The following ZNF630 variants were observed in gnomAD, a reference collection of about 807,000 sequenced individuals.
ZNF630 encodes the protein zinc finger protein 630.
In ZNF630, 5 loss-of-function variants were observed where a neutral mutation model predicts 7.2. The ratio of observed to expected loss-of-function variants is 0.70; its 90% CI spans 0.36 to 1.46. The LOEUF is 1.46. ZNF630 is among the 40% of genes most tolerant of loss of function. The pLI is 0.03. For missense variants in ZNF630, 461 were observed against 477.0 expected (o/e 0.97, Z 0.31); for synonymous variants, 158 against 162.8 (o/e 0.97, Z 0.23).
rs2059084637 is a variant in ZNF630 at position 48,058,922 on chromosome X, C to A, written c.1520G>T (p.Arg507Ile). The change falls in exon 5 of 5, where the codon AGA becomes ATA. Residue 507 changes from arginine to isoleucine, a missense_variant. Transcript: ENST00000276054. ...ATAAGGTTTCTCCCCTGTATGAATT[C>A]TCTGGTGTATGATAAGAGGTGATTT... Reference protein sequence around the residue: ...SQKSPLIIHQRIHTGEKPYQC... With the variant: ...SQKSPLIIHQIIHTGEKPYQC... 2 of 1,208,341 alleles carry A rather than the reference C, an allele frequency of 1.7e-6. No homozygotes were observed.
chrX:48,059,112 A>G lies in ZNF630; in HGVS notation c.1330T>C (p.Ser444Pro), dbSNP rs1556908470. ...ATTCTTTGATGTCCTATGAGGTGGG[A>G]CTGTTGGCAGAAAGTTTTCCCACAT... is the stretch of plus-strand genomic sequence containing the variant. The part of the protein sequence containing the change: ...GECGKTFCQQ[S>P]HLIGHQRIHT... The change falls in exon 5 of 5, where the codon TCC becomes CCC. Residue 444 changes from serine (S) to proline (P), a missense_variant. Coordinates refer to ENST00000276054, the MANE Select transcript of ZNF630 (RefSeq NM_001282201.2). 5 of 1,206,565 alleles carry G rather than the reference A, an allele frequency of 4.1e-6. No individual in the cohort carries two copies. Among genetic ancestry groups the G allele is most frequent in the African/African-American group, 1.8e-5 (1 of 56,673 alleles).
intron 1 of ZNF630, among the ~76,000 whole-genome samples, chrX:48,067,930 G>A (rs1556910322): frequency 9.1e-6 from 1 of 110,235 alleles, no homozygotes; most frequent in East Asian, 2.9e-4. Context: ...GCGTAGTGGT[G>A]GGCGCCTGTA....
intron 1 of ZNF630, among the ~76,000 whole-genome samples, chrX:48,069,420 C>T (rs140250578): frequency 0.014 from 1,562 of 110,954 alleles, 44 homozygotes; most frequent in African/African-American, 0.049. Context: ...TTGTGACCCT[C>T]CAAAGCAACC....
chrX:48,062,735 A>AAAAC (rs59963366), intron 2 of ZNF630, among the ~76,000 whole-genome samples: 1 of 110,670 alleles, frequency 9.0e-6, no homozygotes, highest in Non-Finnish European at 1.9e-5. Flanking sequence ...CTCTGTCTCA[A>AAAAC]AAACAAACAA....
chrX:48,067,621 G>A (rs1256940567), intron 1 of ZNF630, among the ~76,000 whole-genome samples: 3 of 111,724 alleles, frequency 2.7e-5, no homozygotes, highest in Non-Finnish European at 3.8e-5. Context: ...GCAACATGGC[G>A]AACCCCATCT....
At chrX:48,069,850 TTTTTTG>T (rs1485548738) in intron 1 of ZNF630, among the ~76,000 whole-genome samples, 25 of 61,496 alleles carry the variant, frequency 4.1e-4, no homozygotes, top group African/African-American at 1.3e-3. Context: ...TGTTTTTTTT[TTTTTTG>T]TTTTTTGTTT....
In ZNF630 at chrX:48,058,681, A is replaced by G. The variant is rs782438963; in HGVS notation, c.1761T>C (p.Ile587=). 2 of 1,207,565 alleles carry G rather than the reference A, an allele frequency of 1.7e-6. No homozygotes were observed. Among genetic ancestry groups the G allele is most frequent in the Admixed American group, 4.4e-5 (2 of 45,836 alleles). Residue 587 remains isoleucine, a synonymous_variant, in exon 5 of 5, where the codon ATT becomes ATC. Transcript: ENST00000276054. The stretch of plus-strand genomic sequence containing the variant: ...CCCTAGGATGAGTTTTCTGATGTAT[A>G]ATGAGTGGAGACTTTCCACAGAAGG... ...GKAFCGKSPL[I]IHQKTHPREK... is the part of the protein sequence containing the mutation.
At chrX:48,062,450 G>A (rs1400770472) in intron 2 of ZNF630, among the ~76,000 whole-genome samples, 1 of 112,601 alleles carries the variant, frequency 8.9e-6, no homozygotes, top group African/African-American at 3.2e-5. Flanking sequence ...CAACAAAGAA[G>A]GGGCCAGATG....
rs781863945 is a variant in ZNF630, at chrX:48,060,490, T to C, written c.198A>G (p.Pro66=). ...VIFKLEHGKD[P]WIIESELSRW... ...TTGACAACTCACTCTCTATGATCCA[T>C]GGGTCCTTTCCATGTTCCAACTTAA... Residue 66 remains proline (P), a synonymous_variant, in exon 4 of 5, where the codon CCA becomes CCG. Transcript: ENST00000276054. 9 of 1,205,685 alleles carry C rather than the reference T, an allele frequency of 7.5e-6. No homozygotes were observed. The highest frequency in any genetic ancestry group is 1.0e-5 in the Non-Finnish European group (9 of 892,452).
chrX:48,065,612 G>A (rs1270220768), intron 2 of ZNF630, among the ~76,000 whole-genome samples: 2 of 108,251 alleles, frequency 1.8e-5, no homozygotes, highest in Admixed American at 2.0e-4. Context: ...GAACCTGGGA[G>A]GCAGAGGTTG....
intron 2 of ZNF630, among the ~76,000 whole-genome samples, chrX:48,065,175 G>A (rs972262271): frequency 2.7e-5 from 3 of 111,535 alleles, no homozygotes; most frequent in Non-Finnish European, 3.8e-5. Flanking sequence ...TCCATACCCT[G>A]ATGGCTTCAC....
At position 48,066,497 on chromosome X, in the gene ZNF630, A is replaced by C. The variant is rs782701097; in HGVS notation, c.15+375T>G. The C allele has an allele frequency of 2.0e-4, 33 of 165,765 alleles. 1 individual carries two copies. In the East Asian group the frequency reaches 2.5e-3, roughly 13 times the overall value. The allele number at this position is 165,765 out of a possible 1,213,427, so 13.7% of individuals were successfully genotyped here. On this transcript the variant is annotated intron_variant, in intron 2 of 4. Transcript: ENST00000276054. ...TAACTAAAAACAGTCTCTTTAGAACAACTACTGACAATACCACCCTGGACT... is the reference window on the plus strand; with the variant it reads ...TAACTAAAAACAGTCTCTTTAGAACCACTACTGACAATACCACCCTGGACT...
intron 1 of ZNF630, 75 bp from the exon 2 acceptor site, chrX:48,067,136 T>TGAGAAAGGGCA: frequency 2.7e-6 from 1 of 364,696 alleles, no homozygotes. Context: ...TTTAACACCA[T>TGAGAAAGGGCA]ATTATTGAAA....
Position 48,058,892 on chromosome X carries a change from C to T in ZNF630, c.1550G>A (p.Cys517Tyr), listed in dbSNP as rs1556908348. Reference protein sequence around the residue: ...RIHTGEKPYQCGECGKTFSQK... With the variant: ...RIHTGEKPYQYGECGKTFSQK... The stretch of plus-strand genomic sequence containing the variant: ...GGAGAAGGTTTTGCCACATTCACCA[C>T]ACTGATAAGGTTTCTCCCCTGTATG... The change falls in exon 5 of 5, where the codon TGT becomes TAT. Residue 517 changes from cysteine to tyrosine, a missense_variant. Cys to Tyr is a radical substitution (Grantham distance 194). Coordinates refer to ENST00000276054, the MANE Select transcript of ZNF630 (RefSeq NM_001282201.2). The T allele has an allele frequency of 8.3e-7, 1 of 1,206,570 alleles. No individual in the cohort carries two copies. Among genetic ancestry groups the T allele is most frequent in the East Asian group, 3.0e-5 (1 of 33,713 alleles).
chrX:48,063,776 T>C (rs1436310374), intron 2 of ZNF630, among the ~76,000 whole-genome samples: 2 of 110,479 alleles, frequency 1.8e-5, no homozygotes, highest in East Asian at 2.8e-4. Flanking sequence ...TAATCCCTGC[T>C]ACTCCGGAGG....
At chrX:48,069,084 A>G (rs782176671) in intron 1 of ZNF630, among the ~76,000 whole-genome samples, 1 of 109,922 alleles carries the variant, frequency 9.1e-6, no homozygotes, top group East Asian at 2.8e-4. Flanking sequence ...TACAAAAAAT[A>G]AACAAAATTA....
chrX:48,070,611 T>TAAAAAAAA (rs782104749), intron 1 of ZNF630, among the ~76,000 whole-genome samples: 1 of 65,930 alleles, frequency 1.5e-5, no homozygotes, highest in East Asian at 5.5e-4. Context: ...AGACTTCGTC[T>TAAAAAAAA]AAAAAAAAAA....
In ZNF630 at chrX:48,058,292, T is replaced by C. The variant is rs1420776721; in HGVS notation, c.*176A>G. ...GAGGGTGAGCAAATTGATTCCATATTTGTGATGTTGAAAATATTCTGAGGG... is the reference window on the plus strand; with the variant it reads ...GAGGGTGAGCAAATTGATTCCATATCTGTGATGTTGAAAATATTCTGAGGG... On this transcript the variant is annotated 3_prime_UTR_variant, in exon 5 of 5. Transcript: ENST00000276054. 13 of 400,306 alleles carry C rather than the reference T, an allele frequency of 3.2e-5. No individual in the cohort carries two copies. Among genetic ancestry groups the C allele is most frequent in the Non-Finnish European group, 5.2e-5 (13 of 249,459 alleles). 33.0% of individuals were successfully genotyped at this position (400,306 alleles called of 1,213,427 possible).
In ZNF630 at chrX:48,059,046, T is replaced by C; in HGVS notation, c.1396A>G (p.Lys466Glu). 1 of 1,208,581 alleles carries C rather than the reference T, an allele frequency of 8.3e-7. No homozygotes were observed. The highest frequency in any genetic ancestry group is 1.8e-5 in the South Asian group (1 of 56,869). The change falls in exon 5 of 5, where the codon AAG (lysine) becomes GAG (glutamate). Residue 466 changes from lysine to glutamate, a missense_variant. Coordinates refer to ENST00000276054, the MANE Select transcript of ZNF630 (RefSeq NM_001282201.2). ...EKPYVCTDCG[K>E]AFSQKSHLTG... ...AGGTGTGACTTCTGGGAAAAGGCCT[T>C]CCCACAGTCAGTACACACATAAGGT...
Sources: allele counts gnomAD v4.1 joint callset (sites outside exome capture counted in the v4.1 genomes callset), GRCh38; gene constraint gnomAD v4.1.1; transcripts MANE v1.5; gene names NCBI Gene and HGNC (gene_info 2026-07-23, HGNC 2026-07-21).